Variants in HTR2C observed in about 807,000 individuals in gnomAD.
HTR2C encodes the protein 5-hydroxytryptamine (serotonin) receptor 2C, G protein-coupled.
HTR2C carries 5 observed loss-of-function variants against 21.0 expected under a neutral mutation model. The ratio of observed to expected loss-of-function variants is 0.24; its 90% CI spans 0.12 to 0.50. HTR2C has a LOEUF of 0.50. Ranked by LOEUF, HTR2C falls within the 20% of genes least tolerant of loss-of-function variation. The pLI is 0.98. For missense variants in HTR2C, 271 were observed against 371.2 expected (o/e 0.73, Z 2.22); for synonymous variants, 150 against 145.3 (o/e 1.03, Z -0.23).
chrX:114,845,379 G>C (rs1412301242), intron 4 of HTR2C, among the ~76,000 whole-genome samples: 1 of 110,178 alleles, frequency 9.1e-6, no homozygotes, highest in Non-Finnish European at 1.9e-5. Flanking sequence ...TGCGCTCAGA[G>C]GGAAATTTAT....
At chrX:114,769,035 GAAA>G (rs1192485968) in intron 4 of HTR2C, among the ~76,000 whole-genome samples, 1 of 107,051 alleles carries the variant, frequency 9.3e-6, no homozygotes, top group Non-Finnish European at 1.9e-5. Context: ...AAAACTATTT[GAAA>G]AAAAAGCAGT....
At chrX:114,746,155 G>A (rs1354993766) in intron 4 of HTR2C, among the ~76,000 whole-genome samples, 1 of 111,289 alleles carries the variant, frequency 9.0e-6, no homozygotes, top group Non-Finnish European at 1.9e-5. Context: ...AAATCTCCAT[G>A]CCTGGATAGC....
At chrX:114,608,314 G>A (rs1223788216) in intron 1 of HTR2C, among the ~76,000 whole-genome samples, 4 of 111,178 alleles carry the variant, frequency 3.6e-5, no homozygotes, top group African/African-American at 1.3e-4. Context: ...AGAATTCAGT[G>A]GTTTTTAGTA....
At chrX:114,713,068 A>G (rs1932915510) in intron 2 of HTR2C, among the ~76,000 whole-genome samples, 3 of 111,628 alleles carry the variant, frequency 2.7e-5, no homozygotes, top group African/African-American at 6.5e-5. Flanking sequence ...ATCTAAAAGC[A>G]TATCTCATTT....
intron 1 of HTR2C, among the ~76,000 whole-genome samples, chrX:114,611,284 C>T (rs1052702665): frequency 5.4e-5 from 6 of 111,927 alleles, no homozygotes; most frequent in Non-Finnish European, 1.1e-4. Context: ...GGTACTTGAA[C>T]AGTTAGGTGA....
chrX:114,816,947 A>AAC (rs1474353845), intron 4 of HTR2C, among the ~76,000 whole-genome samples: 2 of 6,375 alleles, frequency 3.1e-4, no homozygotes, highest in African/African-American at 9.4e-4. Context: ...ATCTAAGATT[A>AAC]AAAAAAAATA....
rs191042145 is a variant in HTR2C at position 114,706,773 on chromosome X, A to G, written c.-79-20085A>G. ...GTATGGTCTATAAAAATAGATTTGCATAAATACAATCTGCAGCTGGCTTCA... is the reference window on the plus strand; with the variant it reads ...GTATGGTCTATAAAAATAGATTTGCGTAAATACAATCTGCAGCTGGCTTCA... On this transcript the variant is annotated intron_variant, in intron 2 of 5. Coordinates refer to ENST00000276198, the MANE Select transcript of HTR2C (RefSeq NM_000868.4). 6.9e-3 allele frequency among the ~76,000 whole-genome samples: 768 copies of G among 111,189 alleles called. 3 individuals are homozygous for G. The highest frequency in any genetic ancestry group is 9.5e-3 in the Admixed American group (99 of 10,386).
At chrX:114,904,050 T>G (rs1240649023) in intron 5 of HTR2C, among the ~76,000 whole-genome samples, 1 of 111,924 alleles carries the variant, frequency 8.9e-6, no homozygotes, top group Non-Finnish European at 1.9e-5. Flanking sequence ...GGTGGTTGAA[T>G]GTTTCTATTT....
In HTR2C at chrX:114,827,737, T is replaced by A. The variant is rs782546807; in HGVS notation, c.350-20266T>A. Among the ~76,000 whole-genome samples the A allele has an allele frequency of 1.7e-4, 19 of 111,419 alleles. 1 individual carries two copies. The highest frequency in any genetic ancestry group is 7.6e-5 in the Non-Finnish European group (4 of 52,978). On this transcript the variant is annotated intron_variant, in intron 4 of 5. Coordinates refer to ENST00000276198, the MANE Select transcript of HTR2C (RefSeq NM_000868.4). ...GAGAATCTCTTTATTTCACATTCAT[T>A]TGTGAAATATATTTCCACTGGATAT...
intron 2 of HTR2C, among the ~76,000 whole-genome samples, chrX:114,725,830 G>T (rs782555577): frequency 1.8e-5 from 2 of 110,930 alleles, no homozygotes; most frequent in African/African-American, 3.3e-5. Context: ...GCTGCTCAGG[G>T]GTCAGGGGTC....
chrX:114,852,090 T>C (rs1183008540), intron 5 of HTR2C, among the ~76,000 whole-genome samples: 1 of 111,437 alleles, frequency 9.0e-6, no homozygotes, highest in Non-Finnish European at 1.9e-5. Context: ...TGAAATGCAA[T>C]GTTTAAAATT....
intron 4 of HTR2C, among the ~76,000 whole-genome samples, chrX:114,815,406 T>A (rs782723887): frequency 3.6e-5 from 4 of 111,494 alleles, no homozygotes; most frequent in Middle Eastern, 4.2e-3. Context: ...TGGAGACTGT[T>A]CTTAAAATCT....
intron 1 of HTR2C, among the ~76,000 whole-genome samples, chrX:114,608,991 CAA>C (rs1352435483): frequency 4.5e-5 from 5 of 111,723 alleles, no homozygotes; most frequent in Non-Finnish European, 9.4e-5. Flanking sequence ...CTCTAATATG[CAA>C]GACACGTCTT....
At chrX:114,776,842 G>A (rs781906908) in intron 4 of HTR2C, 6 of 181,360 alleles carry the variant, frequency 3.3e-5, no homozygotes, top group Admixed American at 2.3e-4. Context: ...AACTGCGGGC[G>A]CATTCAATGA....
chrX:114,907,335 G>A lies in HTR2C; in HGVS notation c.1297G>A (p.Gly433Ser), dbSNP rs1244284743. 6 of 1,209,024 alleles carry A rather than the reference G, an allele frequency of 5.0e-6. No homozygotes were observed. In the Admixed American group the frequency reaches 6.6e-5, roughly 13 times the overall value. The part of the protein sequence containing the change: ...VIEKASDNEP[G>S]IEMQVENLEL... ...CGAGAAAGCCAGTGACAATGAGCCC[G>A]GTATAGAGATGCAAGTTGAGAATTT... The change falls in exon 6 of 6, where the codon GGT (glycine) becomes AGT (serine). Residue 433 changes from glycine (G) to serine (S), a missense_variant. Around this residue, in one of 5 missense-constraint regions of HTR2C, gnomAD observed 192 missense variants for 247.2 expected, o/e 0.78. Coordinates refer to ENST00000276198, the MANE Select transcript of HTR2C (RefSeq NM_000868.4).
rs370353170 is a variant in HTR2C, at chrX:114,834,181, A to T, written c.350-13822A>T. 6.4e-5 allele frequency among the ~76,000 whole-genome samples: 7 copies of T among 110,158 alleles called. No homozygotes were observed. The East Asian group carries it at 2.0e-3, about 32-fold the overall frequency. On this transcript the variant is annotated intron_variant, in intron 4 of 5. Coordinates refer to ENST00000276198, the MANE Select transcript of HTR2C (RefSeq NM_000868.4). ...GCTGAAAAAAATGTATATTCTGTTG[A>T]TTTGGGGTGGAGAGTTCTGTAGATG...
intron 4 of HTR2C, among the ~76,000 whole-genome samples, chrX:114,737,672 T>A (rs2069605348): frequency 8.9e-6 from 1 of 112,089 alleles, no homozygotes; most frequent in Non-Finnish European, 1.9e-5. Flanking sequence ...AAGATTACCT[T>A]GTAGATTTAC....
intron 4 of HTR2C, among the ~76,000 whole-genome samples, chrX:114,733,598 GA>G (rs370070010): frequency 3.9e-4 from 38 of 96,638 alleles, no homozygotes; most frequent in South Asian, 1.8e-3. Flanking sequence ...GAGGTGACTT[GA>G]AAAAAAAAAA....
chrX:114,755,043 C>T (rs915668427), intron 4 of HTR2C, among the ~76,000 whole-genome samples: 2 of 110,642 alleles, frequency 1.8e-5, no homozygotes, highest in Non-Finnish European at 3.8e-5. Flanking sequence ...AGTTCGAGTC[C>T]AGCCTGGCCA....
Sources: gnomAD v4.1 joint callset for allele counts (sites outside exome capture counted in the v4.1 genomes callset) on GRCh38, gnomAD v4.1.1 for gene constraint, gnomAD v4.1.1 regional missense constraint, MANE v1.5 for transcripts, NCBI Gene and HGNC (gene_info 2026-07-23, HGNC 2026-07-21) for gene names.